Variants in NUBPL observed in about 807,000 individuals in gnomAD.
NUBPL encodes NUBP iron-sulfur cluster assembly factor, mitochondrial.
A neutral mutation model predicts 45.7 loss-of-function variants in NUBPL; 31 were observed. That is an observed-to-expected ratio of 0.68 (90% CI 0.51 to 0.92). The LOEUF (loss-of-function observed/expected upper bound fraction) is 0.92. NUBPL is among the 40% of genes least tolerant of loss of function. NUBPL has a pLI of 0.00. For missense variants in NUBPL, 401 were observed against 398.7 expected (o/e 1.01, Z -0.05); for synonymous variants, 144 against 140.9 (o/e 1.02, Z -0.15).
chr14:31,755,974 A>G (rs368202334), intron 6 of NUBPL, among the ~76,000 whole-genome samples: 164 of 151,960 alleles, frequency 1.1e-3, no homozygotes, highest in Non-Finnish European at 1.2e-3. Flanking sequence ...CCCATTGCTT[A>G]TTTTTCTCAG....
At chr14:31,751,936 T>TG (rs1370590622) in intron 6 of NUBPL, among the ~76,000 whole-genome samples, 1 of 152,220 alleles carries the variant, frequency 6.6e-6, no homozygotes, top group African/African-American at 2.4e-5. Flanking sequence ...CACCAAGGCT[T>TG]GGGGCTTGCA....
intron 4 of NUBPL, among the ~76,000 whole-genome samples, chr14:31,605,307 T>G (rs1474581172): frequency 6.6e-6 from 1 of 152,250 alleles, no homozygotes; most frequent in Non-Finnish European, 1.5e-5. Context: ...TTCATAGTTT[T>G]GTGATGAAAA....
At chr14:31,586,046 A>G (rs373559855) in intron 3 of NUBPL, among the ~76,000 whole-genome samples, 1 of 152,176 alleles carries the variant, frequency 6.6e-6, no homozygotes, top group African/African-American at 2.4e-5. Context: ...TAAACCCCCA[A>G]ACACTTTTGT....
intron 7 of NUBPL, among the ~76,000 whole-genome samples, chr14:31,791,848 A>G (rs924461435): frequency 6.6e-6 from 1 of 152,192 alleles, no homozygotes; most frequent in Non-Finnish European, 1.5e-5. Flanking sequence ...TAATAATTTA[A>G]TCAATAAAAA....
Position 31,666,142 on chromosome 14 carries a change from AT to A in NUBPL, c.383-7212del, listed in dbSNP as rs1238274232. ...TCTTTGCATGAGATGGGTCTCCTGA[AT>A]ACAGTACACTGATGGGTCTTGACTC... On this transcript the variant is annotated intron_variant, in intron 4 of 10. Coordinates refer to ENST00000281081, the MANE Select transcript of NUBPL (RefSeq NM_025152.3). Among the ~76,000 whole-genome samples the A allele has an allele frequency of 3.4e-5, 5 of 148,390 alleles. No individual in the cohort carries two copies. In the Admixed American group the frequency reaches 3.4e-4, roughly 10 times the overall value.
At chr14:31,657,277 A>G (rs1216170688) in intron 4 of NUBPL, among the ~76,000 whole-genome samples, 1 of 152,176 alleles carries the variant, frequency 6.6e-6, no homozygotes, top group African/African-American at 2.4e-5. Context: ...ATGATTTCTT[A>G]TCTATATACT....
chr14:31,750,187 T>A lies in NUBPL; in HGVS notation c.514-37593T>A, dbSNP rs1182445051. ...TACAATCATTATTATTATTTTTTTT[T>A]TTTTTGAGACGGAGTCTTGCTCTGT... On this transcript the variant is annotated intron_variant, in intron 6 of 10. Coordinates refer to ENST00000281081, the MANE Select transcript of NUBPL (RefSeq NM_025152.3). Among the ~76,000 whole-genome samples, 14 of 150,716 alleles carry A rather than the reference T, an allele frequency of 9.3e-5. No individual in the cohort carries two copies. The East Asian group carries it at 1.7e-3, about 19-fold the overall frequency.
intron 4 of NUBPL, among the ~76,000 whole-genome samples, chr14:31,600,354 G>A (rs576851209): frequency 3.9e-5 from 6 of 152,240 alleles, no homozygotes; most frequent in African/African-American, 1.4e-4. Context: ...CCCTGGAAAG[G>A]AGGCCATTCC....
chr14:31,646,040 C>G (rs1042908755), intron 4 of NUBPL, among the ~76,000 whole-genome samples: 3 of 152,020 alleles, frequency 2.0e-5, no homozygotes, highest in Non-Finnish European at 4.4e-5. Context: ...TTGAAGAACT[C>G]CCTTTAGGAT....
intron 7 of NUBPL, among the ~76,000 whole-genome samples, chr14:31,793,713 C>A (rs2138839471): frequency 6.6e-6 from 1 of 151,636 alleles, no homozygotes; most frequent in African/African-American, 2.4e-5. Flanking sequence ...ATCATAGTAT[C>A]TTTTAAAGTA....
chr14:31,638,879 G>A (rs2035591925), intron 4 of NUBPL, among the ~76,000 whole-genome samples: 2 of 152,166 alleles, frequency 1.3e-5, no homozygotes, highest in South Asian at 4.2e-4. Context: ...GATCGGATCG[G>A]CTCCTGAGGC....
intron 3 of NUBPL, among the ~76,000 whole-genome samples, chr14:31,590,765 T>C (rs527481559): frequency 6.6e-6 from 1 of 152,326 alleles, no homozygotes; most frequent in East Asian, 1.9e-4. Context: ...TAGAGCTCAG[T>C]GTCTGTAAGC....
chr14:31,649,548 T>C (rs1288167941), intron 4 of NUBPL, among the ~76,000 whole-genome samples: 1 of 152,216 alleles, frequency 6.6e-6, no homozygotes, highest in East Asian at 1.9e-4. Flanking sequence ...TTTGCACTTT[T>C]AGAGTTTTGA....
chr14:31,811,742 C>T (rs1044319845), intron 7 of NUBPL, among the ~76,000 whole-genome samples: 20 of 152,134 alleles, frequency 1.3e-4, no homozygotes, highest in Admixed American at 3.9e-4. Flanking sequence ...TGGTTTCTCT[C>T]CATCTTTGTG....
chr14:31,701,489 G>A (rs2037337992), intron 6 of NUBPL, among the ~76,000 whole-genome samples: 1 of 152,256 alleles, frequency 6.6e-6, no homozygotes, highest in Non-Finnish European at 1.5e-5. Flanking sequence ...CCTTCCGCAT[G>A]TGGAAGCTTT....
chr14:31,673,616 C>G (rs1408775590), intron 6 of NUBPL, 42 bp downstream of exon 6: 1 of 1,521,822 alleles, frequency 6.6e-7, no homozygotes, highest in Non-Finnish European at 9.1e-7. Flanking sequence ...ATTGGCAAAG[C>G]TGTGGTTAAT....
intron 7 of NUBPL, among the ~76,000 whole-genome samples, chr14:31,807,956 G>A (rs2138889897): frequency 1.3e-5 from 2 of 152,144 alleles, no homozygotes; most frequent in East Asian, 1.9e-4. Flanking sequence ...TATTTCTGAG[G>A]GCTCTGTTCT....
chr14:31,613,125 G>A (rs897357290), intron 4 of NUBPL, among the ~76,000 whole-genome samples: 1 of 152,192 alleles, frequency 6.6e-6, no homozygotes, highest in Non-Finnish European at 1.5e-5. Context: ...AAAGGAACGA[G>A]ATCCTGTTAT....
At chr14:31,582,007 A>G (rs2033876419) in intron 3 of NUBPL, among the ~76,000 whole-genome samples, 1 of 152,098 alleles carries the variant, frequency 6.6e-6, no homozygotes. Flanking sequence ...TTAAGCAGTT[A>G]TTTGCTTGTT....
Sources: gnomAD v4.1 joint callset for allele counts (sites outside exome capture counted in the v4.1 genomes callset) on GRCh38, gnomAD v4.1.1 for gene constraint, MANE v1.5 for transcripts, NCBI Gene and HGNC (gene_info 2026-07-23, HGNC 2026-07-21) for gene names.